The following FOXP2 variants were observed in gnomAD, a reference collection of about 807,000 sequenced individuals.
FOXP2 encodes the protein forkhead box P2.
Under a neutral mutation model 115.8 loss-of-function variants are expected in FOXP2, and 12 were observed. The observed-to-expected ratio is 0.10, with a 90% CI of 0.07 to 0.17. The LOEUF is 0.17. Among genes scored for constraint, FOXP2 ranks in the 10% least tolerant of loss-of-function variants. The pLI, the probability that FOXP2 is intolerant of heterozygous loss-of-function variation, is 1.00. For missense variants in FOXP2, 629 were observed against 843.5 expected (o/e 0.75, Z 3.15); for synonymous variants, 328 against 297.7 (o/e 1.10, Z -1.05).
chr7:114,688,690 C>G (rs1186060972), intron 16 of FOXP2, among the ~76,000 whole-genome samples: 1 of 152,114 alleles, frequency 6.6e-6, no homozygotes, highest in Non-Finnish European at 1.5e-5. Flanking sequence ...TGCCCACTTC[C>G]CCATCACTCT....
rs868366293 is a variant in FOXP2, at chr7:114,628,555, G to A, written c.274G>A (p.Ala92Thr). The part of the protein sequence containing the change: ...QRPLQVPVSV[A>T]MMTPQVITPQ... The stretch of plus-strand genomic sequence containing the variant: ...TCTGTGCAAGGTGCCTGTGTCAGTG[G>A]CCATGATGACTCCCCAGGTGATCAC... The change falls in exon 4 of 17, where the codon GCC becomes ACC. Residue 92 changes from alanine to threonine, a missense_variant. Coordinates refer to ENST00000350908, the MANE Select transcript of FOXP2 (RefSeq NM_014491.4). 6.2e-7 allele frequency: 1 copy of A among 1,614,050 alleles called. No homozygotes were observed. The highest frequency in any genetic ancestry group is 1.1e-5 in the South Asian group (1 of 91,082).
At chr7:114,359,486 C>A (rs1317276370) in intron 2 of FOXP2, among the ~76,000 whole-genome samples, 1 of 152,202 alleles carries the variant, frequency 6.6e-6, no homozygotes, top group Non-Finnish European at 1.5e-5. Context: ...AATTGTAGAT[C>A]CACTGACAGC....
rs924743356 is a variant in FOXP2, at chr7:114,676,211, G to A, written c.2003+11775G>A. ...CCCAAAGTGCTGGGATTATAGGCGT[G>A]AGCCACTGTACCCGGCCTAAAACGT... is the stretch of plus-strand genomic sequence containing the variant. On this transcript the variant is annotated intron_variant, in intron 16 of 16. Coordinates refer to ENST00000350908, the MANE Select transcript of FOXP2 (RefSeq NM_014491.4). Among the ~76,000 whole-genome samples, 16 of 151,742 alleles carry A rather than the reference G, an allele frequency of 1.1e-4. 1 individual carries two copies. The highest frequency in any genetic ancestry group is 3.9e-4 in the Admixed American group (6 of 15,212).
chr7:114,346,044 G>T (rs1300043653), intron 2 of FOXP2, among the ~76,000 whole-genome samples: 1 of 151,644 alleles, frequency 6.6e-6, no homozygotes, highest in African/African-American at 2.4e-5. Flanking sequence ...ATTACTCATA[G>T]ATTTATAATA....
intron 1 of FOXP2, among the ~76,000 whole-genome samples, chr7:114,142,839 G>GA (rs111271212): frequency 2.7e-4 from 40 of 150,890 alleles, no homozygotes; most frequent in East Asian, 3.9e-4. Flanking sequence ...ACAGCATTTT[G>GA]AAAAAAAAAA....
intron 2 of FOXP2, among the ~76,000 whole-genome samples, chr7:114,457,702 T>A (rs899398216): frequency 1.3e-5 from 2 of 151,966 alleles, no homozygotes; most frequent in East Asian, 1.9e-4. Context: ...ATCGAGACCA[T>A]CCTGCCTAAC....
intron 2 of FOXP2, among the ~76,000 whole-genome samples, chr7:114,305,482 T>C (rs558663367): frequency 6.6e-6 from 1 of 152,270 alleles, no homozygotes; most frequent in South Asian, 2.1e-4. Context: ...GAGGTAGAGT[T>C]CTTGAATAAA....
chr7:114,247,987 G>A (rs546804416), intron 1 of FOXP2, among the ~76,000 whole-genome samples: 2 of 151,850 alleles, frequency 1.3e-5, no homozygotes, highest in African/African-American at 4.8e-5. Flanking sequence ...AGAAATGAGA[G>A]ATTGATTTAC....
At chr7:114,230,646 A>G (rs777356841) in intron 1 of FOXP2, among the ~76,000 whole-genome samples, 54 of 152,048 alleles carry the variant, frequency 3.6e-4, no homozygotes, top group Non-Finnish European at 7.1e-4. Context: ...ATAGATGCAG[A>G]AAAACCATTT....
chr7:114,274,086 T>C, intron 1 of FOXP2, among the ~76,000 whole-genome samples: 1 of 152,128 alleles, frequency 6.6e-6, no homozygotes, highest in Non-Finnish European at 1.5e-5. Context: ...GTCAGTTCTT[T>C]TTTTTTCTTT....
intron 8 of FOXP2, among the ~76,000 whole-genome samples, chr7:114,649,821 A>G (rs567681586): frequency 1.3e-5 from 2 of 152,196 alleles, no homozygotes; most frequent in South Asian, 2.1e-4. Context: ...GCTGTTCTAT[A>G]AATGATCATT....
intron 3 of FOXP2, among the ~76,000 whole-genome samples, chr7:114,617,737 G>A (rs1030267535): frequency 6.6e-6 from 1 of 152,228 alleles, no homozygotes; most frequent in African/African-American, 2.4e-5. Flanking sequence ...AGGTTGCAGT[G>A]AGCTGAGATC....
At chr7:114,182,282 A>C (rs767738923) in intron 1 of FOXP2, among the ~76,000 whole-genome samples, 9 of 152,062 alleles carry the variant, frequency 5.9e-5, no homozygotes, top group Non-Finnish European at 1.3e-4. Context: ...TTGAAGCATT[A>C]ATATACACGA....
At chr7:114,536,886 A>T (rs1799422957) in intron 3 of FOXP2, among the ~76,000 whole-genome samples, 1 of 151,490 alleles carries the variant, frequency 6.6e-6, no homozygotes, top group African/African-American at 2.4e-5. Flanking sequence ...CAATTAATAA[A>T]ATGTGAGCCT....
intron 2 of FOXP2, among the ~76,000 whole-genome samples, chr7:114,376,143 G>A (rs1029213077): frequency 2.0e-5 from 3 of 152,122 alleles, no homozygotes; most frequent in Non-Finnish European, 4.4e-5. Flanking sequence ...AAATGGAAGA[G>A]GTAGGTACTT....
At chr7:114,235,305 A>G (rs1286403769) in intron 1 of FOXP2, among the ~76,000 whole-genome samples, 4 of 152,108 alleles carry the variant, frequency 2.6e-5, no homozygotes, top group African/African-American at 9.7e-5. Context: ...TGCTCAGTAA[A>G]ATTTATTGTT....
intron 6 of FOXP2, among the ~76,000 whole-genome samples, chr7:114,640,306 T>A (rs961888937): frequency 3.3e-5 from 5 of 152,146 alleles, no homozygotes; most frequent in African/African-American, 1.2e-4. Flanking sequence ...AGCCACTTTC[T>A]TTTTTTATGG....
At chr7:114,676,360 T>C (rs1807764460) in intron 16 of FOXP2, among the ~76,000 whole-genome samples, 2 of 152,194 alleles carry the variant, frequency 1.3e-5, no homozygotes. Context: ...GAATGGGTAA[T>C]AGATGCATAG....
At chr7:114,510,033 T>G (rs1261806629) in intron 2 of FOXP2, among the ~76,000 whole-genome samples, 2 of 152,098 alleles carry the variant, frequency 1.3e-5, no homozygotes, top group African/African-American at 4.8e-5. Flanking sequence ...AAAGGAAATG[T>G]AGATGAGAAC....
Sources: gnomAD v4.1 joint callset for allele counts (sites outside exome capture counted in the v4.1 genomes callset) on GRCh38, gnomAD v4.1.1 for gene constraint, MANE v1.5 for transcripts, NCBI Gene and HGNC (gene_info 2026-07-23, HGNC 2026-07-21) for gene names.